The following BMPR1B variants were observed in gnomAD, a reference collection of about 807,000 sequenced individuals.
The protein encoded by BMPR1B is bone morphogenetic protein receptor type 1B.
BMPR1B carries 12 observed loss-of-function variants against 59.1 expected under a neutral mutation model. The ratio of observed to expected loss-of-function variants is 0.20; its 90% CI spans 0.13 to 0.33. The LOEUF (loss-of-function observed/expected upper bound fraction) is 0.33. BMPR1B is among the 10% of genes least tolerant of loss of function. The pLI is 1.00. For missense variants in BMPR1B, 550 were observed against 610.9 expected, an observed-to-expected ratio of 0.90 and a Z score of 1.05; for synonymous variants, 237 against 207.3, an observed-to-expected ratio of 1.14 and a Z score of -1.23.
rs1730324022 is a variant in BMPR1B, at chr4:94,960,775, G to A, written c.-112-35265G>A. Among the ~76,000 whole-genome samples the A allele has an allele frequency of 2.6e-5, 4 of 151,906 alleles. 2 individuals are homozygous for A. In the South Asian group the frequency reaches 8.3e-4, roughly 32 times the overall value. ...ATTAATGATAAAAGCTCAAGATATTGAGCCACTTACTTTGAAACAAGTGTG... is the reference window on the plus strand; with the variant it reads ...ATTAATGATAAAAGCTCAAGATATTAAGCCACTTACTTTGAAACAAGTGTG... On this transcript the variant is annotated intron_variant, in intron 2 of 12. Transcript: ENST00000515059.
chr4:94,808,488 C>T (rs1723692747), intron 1 of BMPR1B, among the ~76,000 whole-genome samples: 1 of 152,096 alleles, frequency 6.6e-6, no homozygotes, highest in Admixed American at 6.6e-5. Context: ...AATTTGGTTG[C>T]AGTTTTTTAT....
At chr4:94,836,130 G>A (rs1224384505) in intron 1 of BMPR1B, among the ~76,000 whole-genome samples, 2 of 148,344 alleles carry the variant, frequency 1.3e-5, no homozygotes, top group African/African-American at 5.0e-5. Context: ...TGGTGTATAT[G>A]TGCCACATTT....
intron 1 of BMPR1B, among the ~76,000 whole-genome samples, chr4:94,834,801 AATGGC>A (rs1166171151): frequency 6.6e-6 from 1 of 152,184 alleles, no homozygotes; most frequent in Non-Finnish European, 1.5e-5. Flanking sequence ...CTGAAATGGA[AATGGC>A]AGTGCCTACT....
At chr4:94,976,572 G>GT (rs1553923402) in intron 2 of BMPR1B, among the ~76,000 whole-genome samples, 3 of 152,108 alleles carry the variant, frequency 2.0e-5, no homozygotes, top group Non-Finnish European at 4.4e-5. Context: ...CAAGTTCAGC[G>GT]TTTTGTCTTC....
intron 2 of BMPR1B, among the ~76,000 whole-genome samples, chr4:94,905,629 C>T (rs962261778): frequency 1.1e-4 from 17 of 151,832 alleles, no homozygotes; most frequent in Admixed American, 5.3e-4. Context: ...CCAAAGACAC[C>T]GGCTGTCATT....
intron 1 of BMPR1B, among the ~76,000 whole-genome samples, chr4:94,831,376 A>G (rs1266297653): frequency 1.3e-5 from 2 of 152,184 alleles, no homozygotes; most frequent in African/African-American, 4.8e-5. Context: ...ATTATGAAGT[A>G]AAAAAGTTAT....
At chr4:95,093,616 A>G (rs957909681) in intron 3 of BMPR1B, among the ~76,000 whole-genome samples, 3 of 151,570 alleles carry the variant, frequency 2.0e-5, no homozygotes, top group Non-Finnish European at 4.4e-5. Context: ...TTTATGTCAT[A>G]GTCTGGTATC....
At chr4:95,101,931 T>C (rs1730853876) in intron 3 of BMPR1B, among the ~76,000 whole-genome samples, 1 of 152,242 alleles carries the variant, frequency 6.6e-6, no homozygotes, top group South Asian at 2.1e-4. Flanking sequence ...GCTCATTTTC[T>C]TAGCCCCTTT....
chr4:95,008,163 G>A (rs1023353234), intron 3 of BMPR1B, among the ~76,000 whole-genome samples: 12 of 152,072 alleles, frequency 7.9e-5, no homozygotes, highest in African/African-American at 2.7e-4. Flanking sequence ...AGGAATACAG[G>A]CCAGCTTAAG....
chr4:94,888,752 A>G (rs1000165614), intron 2 of BMPR1B, among the ~76,000 whole-genome samples: 1 of 152,068 alleles, frequency 6.6e-6, no homozygotes, highest in Non-Finnish European at 1.5e-5. Flanking sequence ...TTTCTAGGCT[A>G]GTCCCAATTG....
At chr4:94,963,973 A>G (rs1365198924) in intron 2 of BMPR1B, among the ~76,000 whole-genome samples, 1 of 152,102 alleles carries the variant, frequency 6.6e-6, no homozygotes, top group East Asian at 1.9e-4. Context: ...AACATGGAAT[A>G]TCTTTCAATT....
chr4:94,921,685 T>G (rs1345526708), intron 2 of BMPR1B, among the ~76,000 whole-genome samples: 1 of 152,072 alleles, frequency 6.6e-6, no homozygotes, highest in Admixed American at 6.6e-5. Flanking sequence ...CCAGGCCCCA[T>G]CTCCAATATT....
At chr4:95,064,953 A>G (rs1274568938) in intron 3 of BMPR1B, among the ~76,000 whole-genome samples, 1 of 152,192 alleles carries the variant, frequency 6.6e-6, no homozygotes, top group Non-Finnish European at 1.5e-5. Context: ...CCACTTTGGT[A>G]AACAGTCTGG....
intron 1 of BMPR1B, among the ~76,000 whole-genome samples, chr4:94,829,403 A>G (rs1724494297): frequency 6.8e-6 from 1 of 148,112 alleles, no homozygotes; most frequent in Non-Finnish European, 1.5e-5. Flanking sequence ...CCTCCTGAGT[A>G]GCTGGGATTA....
intron 2 of BMPR1B, among the ~76,000 whole-genome samples, chr4:94,878,723 A>T (rs1726837223): frequency 6.7e-6 from 1 of 148,838 alleles, no homozygotes; most frequent in Admixed American, 6.7e-5. Flanking sequence ...CATTTCATTT[A>T]ACAGGTTCTG....
At chr4:95,115,858 G>A (rs539004566) in intron 6 of BMPR1B, 71 bp downstream of exon 6, 34 of 1,372,404 alleles carry the variant, frequency 2.5e-5, no homozygotes, top group South Asian at 3.5e-5. Context: ...AACTAGAATC[G>A]TTCTCTCTCA....
chr4:95,106,965 A>G (rs1401855006), intron 4 of BMPR1B, among the ~76,000 whole-genome samples: 4 of 151,416 alleles, frequency 2.6e-5, no homozygotes, highest in African/African-American at 9.7e-5. Flanking sequence ...TACCCAAGGC[A>G]TATTGTTTCT....
intron 3 of BMPR1B, among the ~76,000 whole-genome samples, chr4:95,016,054 A>G (rs1017422652): frequency 5.3e-5 from 8 of 151,686 alleles, no homozygotes; most frequent in Non-Finnish European, 1.5e-5. Flanking sequence ...TTAGATATTG[A>G]GTAGATGTTT....
At chr4:95,065,463 A>T (rs1727728845) in intron 3 of BMPR1B, among the ~76,000 whole-genome samples, 2 of 152,204 alleles carry the variant, frequency 1.3e-5, no homozygotes. Flanking sequence ...ATCCCAATAA[A>T]GCTCCTAAAA....
Sources: gnomAD v4.1 joint callset for allele counts (sites outside exome capture counted in the v4.1 genomes callset) on GRCh38, gnomAD v4.1.1 for gene constraint, MANE v1.5 for transcripts, NCBI Gene and HGNC (gene_info 2026-07-23, HGNC 2026-07-21) for gene names.